KMT2E: variants seen among roughly 807,000 people sequenced by gnomAD.
KMT2E encodes lysine methyltransferase 2E (inactive).
KMT2E carries 30 observed loss-of-function variants against 184.6 expected under a neutral mutation model. The observed-to-expected ratio is 0.16, with a 90% CI of 0.12 to 0.22. The LOEUF is 0.22. Ranked by LOEUF, KMT2E falls within the 10% of genes least tolerant of loss-of-function variation. KMT2E has a pLI of 1.00. For synonymous variants in KMT2E, 815 were observed against 776.5 expected, an observed-to-expected ratio of 1.05 and a Z score of -0.82; for missense variants, 2,023 against 2,237.4, an observed-to-expected ratio of 0.90 and a Z score of 1.93.
At chr7:105,019,114 C>T (rs763445582) in intron 1 of KMT2E, among the ~76,000 whole-genome samples, 66 of 152,100 alleles carry the variant, frequency 4.3e-4, no homozygotes, top group Admixed American at 4.3e-3. Context: ...TTGTGAACTT[C>T]CATGCTAAGT....
chr7:105,105,750 T>C, intron 18 of KMT2E, 57 bp downstream of exon 18: 3 of 1,567,570 alleles, frequency 1.9e-6, no homozygotes, highest in Non-Finnish European at 2.6e-6. Context: ...ACTCATTCCT[T>C]ACTACCATCC....
At chr7:105,055,961 G>C (rs1024198592) in intron 3 of KMT2E, among the ~76,000 whole-genome samples, 3 of 151,300 alleles carry the variant, frequency 2.0e-5, no homozygotes, top group Non-Finnish European at 4.4e-5. Flanking sequence ...TCACTGCCTG[G>C]TGCTTACTGT....
At chr7:105,081,875 A>G (rs1189778657) in intron 13 of KMT2E, 78 bp downstream of exon 13, 3 of 645,984 alleles carry the variant, frequency 4.6e-6, no homozygotes, top group Non-Finnish European at 8.0e-6. Flanking sequence ...AGGTATTGTC[A>G]TTACTTTTAT....
intron 20 of KMT2E, 133 bp downstream of exon 20, chr7:105,106,905 G>T: frequency 1.1e-6 from 1 of 911,504 alleles, no homozygotes; most frequent in Non-Finnish European, 1.6e-6. Flanking sequence ...CTAAAAATCA[G>T]AAAAATTCAT....
chr7:105,048,767 G>A (rs1451536272), intron 3 of KMT2E, among the ~76,000 whole-genome samples: 2 of 152,248 alleles, frequency 1.3e-5, no homozygotes, highest in African/African-American at 4.8e-5. Flanking sequence ...GACTGTGTGT[G>A]TAAATGAATG....
At chr7:105,069,067 T>C (rs947975775) in intron 6 of KMT2E, among the ~76,000 whole-genome samples, 1 of 152,168 alleles carries the variant, frequency 6.6e-6, no homozygotes, top group Non-Finnish European at 1.5e-5. Context: ...AGATATCTGG[T>C]GTGACAAGAT....
intron 15 of KMT2E, 77 bp downstream of exon 15, chr7:105,091,391 C>G (rs1325922903): frequency 1.2e-6 from 1 of 813,042 alleles, no homozygotes; most frequent in African/African-American, 1.7e-5. Context: ...TTTACATGGG[C>G]TTTTACATTA....
Position 105,042,446 on chromosome 7 carries a change from T to G in KMT2E, c.71+1423T>G, listed in dbSNP as rs774905833. ...TAAGTGTTAAGCAGCTCCCCTACTT[T>G]GAGCAATGTGTTTTATATAAAATAT... On this transcript the variant is annotated intron_variant, in intron 3 of 26. Transcript: ENST00000311117. Among the ~76,000 whole-genome samples the G allele has an allele frequency of 1.8e-4, 27 of 152,250 alleles. 1 individual carries two copies. Among genetic ancestry groups the G allele is most frequent in the Non-Finnish European group, 3.8e-4 (26 of 68,040 alleles).
intron 1 of KMT2E, among the ~76,000 whole-genome samples, chr7:105,019,873 G>A (rs770245747): frequency 3.3e-5 from 5 of 152,076 alleles, no homozygotes; most frequent in South Asian, 2.1e-4. Context: ...TTGGGAGGCC[G>A]AGGCAGGCGG....
At chr7:105,024,140 GA>G (rs1795076103) in intron 1 of KMT2E, among the ~76,000 whole-genome samples, 1 of 152,112 alleles carries the variant, frequency 6.6e-6, no homozygotes, top group Non-Finnish European at 1.5e-5. Context: ...GAGACTTACA[GA>G]GTACATATTC....
At chr7:105,108,515 G>A (rs1799010504) in intron 22 of KMT2E, 2 of 450,908 alleles carry the variant, frequency 4.4e-6, no homozygotes, top group African/African-American at 2.0e-5. Context: ...AAGAATTTTC[G>A]TGATGTGTGC....
chr7:105,074,373 A>G (rs970515580), intron 7 of KMT2E, among the ~76,000 whole-genome samples: 1 of 152,148 alleles, frequency 6.6e-6, no homozygotes, highest in African/African-American at 2.4e-5. Flanking sequence ...GGGAATTTCA[A>G]ATTTCCACTC....
intron 5 of KMT2E, 69 bp downstream of exon 5, chr7:105,063,649 TAACTA>T (rs1212277271): frequency 8.6e-6 from 9 of 1,049,100 alleles, no homozygotes; most frequent in Non-Finnish European, 1.2e-5. Flanking sequence ...TTGGAAAAGA[TAACTA>T]AAGTCACTTT....
Position 105,053,800 on chromosome 7 carries a change from G to A in KMT2E, c.72-8364G>A, listed in dbSNP as rs1026137910. ...GACATGGGAGGATCACTCAAGCCCC[G>A]GGAGTTTGATGCTATAGTTAGCTAT... On this transcript the variant is annotated intron_variant, in intron 3 of 26. Transcript: ENST00000311117. Among the ~76,000 whole-genome samples, 45 of 152,242 alleles carry A rather than the reference G, an allele frequency of 3.0e-4. 1 individual carries two copies. The highest frequency in any genetic ancestry group is 9.2e-4 in the African/African-American group (38 of 41,522).
intron 3 of KMT2E, among the ~76,000 whole-genome samples, chr7:105,058,402 T>G (rs889965538): frequency 6.6e-6 from 1 of 152,076 alleles, no homozygotes; most frequent in African/African-American, 2.4e-5. Flanking sequence ...TACCTAAGAC[T>G]CTTAGCATCC....
chr7:105,054,900 T>G (rs948034046), intron 3 of KMT2E, among the ~76,000 whole-genome samples: 1 of 152,194 alleles, frequency 6.6e-6, no homozygotes, highest in African/African-American at 2.4e-5. Flanking sequence ...TGAGGATCAC[T>G]TTGAAACTAG....
chr7:105,108,972 C>T lies in KMT2E; in HGVS notation c.3499C>T (p.Arg1167Cys), dbSNP rs377533573. 8 of 1,612,748 alleles carry T rather than the reference C, an allele frequency of 5.0e-6. No homozygotes were observed. Among genetic ancestry groups the T allele is most frequent in the African/African-American group, 1.3e-5 (1 of 74,882 alleles). ...VSLLEYRKRQ[R>C]EARKSGSKTE... Reference sequence around the variant, plus strand: ...TCTATTAGAATACCGTAAGAGACAACGTGAAGCTAGGAAAAGTGGCTCTAA... The same window carrying T: ...TCTATTAGAATACCGTAAGAGACAATGTGAAGCTAGGAAAAGTGGCTCTAA... The change falls in exon 23 of 27, where the codon CGT becomes TGT. Residue 1167 changes from arginine (R) to cysteine (C), a missense_variant. Around this residue, in one of 8 missense-constraint regions of KMT2E, gnomAD observed 1,108 missense variants for 1,050.9 expected, o/e 1.05. Transcript: ENST00000311117.
intron 16 of KMT2E, 84 bp downstream of exon 16, chr7:105,101,673 T>A: frequency 8.5e-7 from 1 of 1,175,194 alleles, no homozygotes; most frequent in Non-Finnish European, 1.1e-6. Context: ...ATAAGGAATT[T>A]AAAATAATGT....
intron 1 of KMT2E, among the ~76,000 whole-genome samples, chr7:105,018,418 A>G (rs1794806163): frequency 1.3e-5 from 2 of 152,314 alleles, no homozygotes; most frequent in Non-Finnish European, 2.9e-5. Flanking sequence ...TTTTTAGCAG[A>G]TGGTAGGTGC....
Sources: allele counts gnomAD v4.1 joint callset (sites outside exome capture counted in the v4.1 genomes callset), GRCh38; gene constraint gnomAD v4.1.1; regional missense constraint gnomAD v4.1.1; transcripts MANE v1.5; gene names NCBI Gene and HGNC (gene_info 2026-07-23, HGNC 2026-07-21).